USP36: variants seen among roughly 807,000 people sequenced by gnomAD.
USP36 encodes the protein ubiquitin specific peptidase 36, also known as ubiquitin carboxyl-terminal hydrolase 36.
A neutral mutation model predicts 111.5 loss-of-function variants in USP36; 59 were observed. That is an observed-to-expected ratio of 0.53 (90% CI 0.43 to 0.66). The LOEUF (loss-of-function observed/expected upper bound fraction) is 0.66, where lower values mean the gene tolerates loss of function less well. Ranked by LOEUF, USP36 falls within the 30% of genes least tolerant of loss-of-function variation. The probability of loss-of-function intolerance (pLI) is 0.00; values close to 1 mark genes in which losing one functional copy is unlikely to be tolerated. For missense variants in USP36, 1,488 were observed against 1,468.0 expected (o/e 1.01, Z -0.22); for synonymous variants, 628 against 581.0 (o/e 1.08, Z -1.16).
intron 10 of USP36, among the ~76,000 whole-genome samples, chr17:78,816,977 G>A (rs775375082): frequency 3.9e-5 from 6 of 152,070 alleles, no homozygotes; most frequent in South Asian, 2.1e-4. Context: ...GTTCTTAAAC[G>A]TCACATACCA....
chr17:78,818,948 T>C (rs986408240), intron 9 of USP36, 170 bp from the exon 10 acceptor site: 5 of 606,058 alleles, frequency 8.3e-6, no homozygotes, highest in Non-Finnish European at 1.4e-5. Context: ...ATGCCTCAAG[T>C]AAAGGAAAGC....
downstream of USP36, among the ~76,000 whole-genome samples, chr17:78,792,287 G>A (rs2093590037): frequency 6.6e-6 from 1 of 152,118 alleles, no homozygotes; most frequent in South Asian, 2.1e-4. Context: ...TGAGACACGG[G>A]AGCAGACAGG....
intron 5 of USP36, 54 bp downstream of exon 5, chr17:78,828,842 CA>C (rs946910738): frequency 1.5e-5 from 23 of 1,560,442 alleles, no homozygotes; most frequent in Non-Finnish European, 2.0e-5. Flanking sequence ...CCCATCTCTA[CA>C]AAAAATTAAA....
At chr17:78,805,709 G>T (rs1035934613) in intron 15 of USP36, among the ~76,000 whole-genome samples, 2 of 152,226 alleles carry the variant, frequency 1.3e-5, no homozygotes, top group Non-Finnish European at 2.9e-5. Flanking sequence ...CCCTGAGACA[G>T]TTCTTAACCT....
In USP36 at chr17:78,809,656, G is replaced by A. The variant is rs77865958; in HGVS notation, c.1408-2020C>T. On this transcript the variant is annotated intron_variant, in intron 13 of 20. Transcript: ENST00000449938. The stretch of plus-strand genomic sequence containing the variant: ...TGTTTTTCTGGGGTTTTTTGAGACA[G>A]GGTCTCATTCTGTTGTCCAGGCTGG... Among the ~76,000 whole-genome samples the A allele has an allele frequency of 1.5e-3, 226 of 152,280 alleles. 2 individuals are homozygous for A. The highest frequency in any genetic ancestry group is 5.3e-3 in the African/African-American group (219 of 41,554).
chr17:78,823,943 A>G (rs1194248633), intron 6 of USP36, among the ~76,000 whole-genome samples: 1 of 152,240 alleles, frequency 6.6e-6, no homozygotes, highest in Non-Finnish European at 1.5e-5. Context: ...AAGTGCTTCA[A>G]GCACAAAGCA....
At chr17:78,830,014 C>T (rs60185023) in intron 4 of USP36, among the ~76,000 whole-genome samples, 8,656 of 152,314 alleles carry the variant, frequency 0.057, 781 homozygotes, top group African/African-American at 0.2. Flanking sequence ...GCTGGGATTA[C>T]AGGCGTGAGC....
chr17:78,835,466 C>G lies in USP36; in HGVS notation c.289G>C (p.Val97Leu), dbSNP rs753528093. 1 of 1,611,046 alleles carries G rather than the reference C, an allele frequency of 6.2e-7. No individual in the cohort carries two copies. The highest frequency in any genetic ancestry group is 2.2e-5 in the East Asian group (1 of 44,794). ...EHTYESCGDGVPAPQKVLFPT... is the reference protein window; with the variant it reads ...EHTYESCGDGLPAPQKVLFPT... The stretch of plus-strand genomic sequence containing the variant: ...AAAAGCACTTTCTGCGGGGCTGGGA[C>G]TCCGTCACCACAGCTCTCATACGTG... The change falls in exon 4 of 21, where the codon GTC becomes CTC. Residue 97 changes from valine to leucine, a missense_variant. Val to Leu is a conservative substitution (Grantham distance 32). Coordinates refer to ENST00000449938, the MANE Select transcript of USP36 (RefSeq NM_001385174.1).
chr17:78,834,594 A>G (rs1424198709), intron 4 of USP36, among the ~76,000 whole-genome samples: 1 of 151,806 alleles, frequency 6.6e-6, no homozygotes, highest in Non-Finnish European at 1.5e-5. Flanking sequence ...TTACAGGTGC[A>G]CCCCATCACG....
rs2093628704 is a variant in USP36, at chr17:78,796,350, A to AT, written c.*1549dup. 6.6e-6 allele frequency: 1 copy of AT among 152,054 alleles called. No homozygotes were observed. Among genetic ancestry groups the AT allele is most frequent in the African/African-American group, 2.4e-5 (1 of 41,368 alleles). 9.4% of individuals were successfully genotyped at this position (152,054 alleles called of 1,614,324 possible). The stretch of plus-strand genomic sequence containing the variant: ...TGAAGGCATGTGCTTTCCCTTCCAG[A>AT]TAAGTTACAAAGCCAGAGCACGGAA... On this transcript the variant is annotated 3_prime_UTR_variant, in exon 21 of 21. Coordinates refer to ENST00000449938, the MANE Select transcript of USP36 (RefSeq NM_001385174.1).
Position 78,820,925 on chromosome 17 carries a change from G to A in USP36, c.828+66C>T, listed in dbSNP as rs147266244. ...TGATCTGATGCCTTTACTGTTCTGC[G>A]GGTTCTGTTTCACCCTCTGGCCTCG... On this transcript the variant is annotated intron_variant, in intron 8 of 20. Transcript: ENST00000449938. 3.6e-4 allele frequency: 545 copies of A among 1,509,238 alleles called. 2 individuals are homozygous for A. The African/African-American group carries it at 6.1e-3, about 17-fold the overall frequency. The allele number at this position is 1,509,238 out of a possible 1,614,324, so 93.5% of individuals were successfully genotyped here.
intron 10 of USP36, 57 bp from the exon 11 acceptor site, chr17:78,814,609 T>C: frequency 1.3e-6 from 2 of 1,581,988 alleles, no homozygotes; most frequent in Non-Finnish European, 1.7e-6. Context: ...TAAAGATCAA[T>C]TTGCCCTTTC....
intron 7 of USP36, 72 bp from the exon 8 acceptor site, chr17:78,821,133 C>T: frequency 6.9e-7 from 1 of 1,452,848 alleles, no homozygotes; most frequent in Non-Finnish European, 9.3e-7. Context: ...GACCGAGACC[C>T]AGCAGGGAGG....
downstream of USP36, chr17:78,792,144 A>T (rs902429556): frequency 1.3e-5 from 2 of 152,422 alleles, no homozygotes; most frequent in African/African-American, 4.8e-5. Context: ...GGCAGAAGCT[A>T]GACTAAGAAC....
Position 78,817,782 on chromosome 17 carries a change from A to G in USP36, c.1023+885T>C, listed in dbSNP as rs145298376. Among the ~76,000 whole-genome samples the G allele has an allele frequency of 1.2e-4, 19 of 152,044 alleles. No homozygotes were observed. In the East Asian group the frequency reaches 3.5e-3, roughly 28 times the overall value. On this transcript the variant is annotated intron_variant, in intron 10 of 20. Transcript: ENST00000449938. ...AAAAGAAAAAAGAAACACATCTTCT[A>G]TGAAAATGCCACTATAGGCCAGGTA...
At chr17:78,814,638 A>C (rs2094138560) in intron 10 of USP36, 86 bp from the exon 11 acceptor site, 24 of 1,477,592 alleles carry the variant, frequency 1.6e-5, no homozygotes, top group East Asian at 7.2e-5. Context: ...ACCACACAAA[A>C]TGCCCAGCTT....
At chr17:78,835,631 G>A (rs1359651609) in intron 3 of USP36, 130 bp from the exon 4 acceptor site, 1 of 933,392 alleles carries the variant, frequency 1.1e-6, no homozygotes, top group East Asian at 2.6e-5. Context: ...GAGAAGAACT[G>A]GTGTTCTGGT....
intron 7 of USP36, chr17:78,821,403 T>C (rs927574000): frequency 8.6e-5 from 5 of 57,838 alleles, no homozygotes; most frequent in Non-Finnish European, 1.6e-4. Flanking sequence ...TATATATATA[T>C]ATATATATAT....
At chr17:78,815,734 A>G (rs567270865) in intron 10 of USP36, among the ~76,000 whole-genome samples, 19 of 152,360 alleles carry the variant, frequency 1.2e-4, no homozygotes, top group African/African-American at 4.1e-4. Context: ...ACACATATAC[A>G]TAACATGCAT....
Sources: gnomAD v4.1 joint callset for allele counts (sites outside exome capture counted in the v4.1 genomes callset) on GRCh38, gnomAD v4.1.1 for gene constraint, MANE v1.5 for transcripts, NCBI Gene and HGNC (gene_info 2026-07-23, HGNC 2026-07-21) for gene names.